The following FGF12 variants were observed in gnomAD, a reference collection of about 807,000 sequenced individuals.
The protein encoded by FGF12 is fibroblast growth factor 12.
FGF12 carries 14 observed loss-of-function variants against 23.6 expected under a neutral mutation model. The observed-to-expected ratio is 0.59, with a 90% CI of 0.39 to 0.93. The LOEUF is 0.93. FGF12 is among the 40% of genes least tolerant of loss of function. FGF12 has a pLI of 0.00. For missense variants in FGF12, 175 were observed against 217.8 expected (o/e 0.80, Z 1.24); for synonymous variants, 62 against 77.3 (o/e 0.80, Z 1.04).
intron 2 of FGF12, among the ~76,000 whole-genome samples, chr3:192,462,066 T>G (rs2108808120): frequency 6.6e-6 from 1 of 152,260 alleles, no homozygotes; most frequent in East Asian, 1.9e-4. Flanking sequence ...AATATATGGC[T>G]TGTTTCATTT....
At chr3:192,646,747 T>C (rs1577096986) in intron 2 of FGF12, among the ~76,000 whole-genome samples, 1 of 152,190 alleles carries the variant, frequency 6.6e-6, no homozygotes, top group South Asian at 2.1e-4. Context: ...TGGGTACAGG[T>C]TCTCTTTTGC....
At chr3:192,172,461 T>G (rs1487144264) in intron 4 of FGF12, among the ~76,000 whole-genome samples, 1 of 150,538 alleles carries the variant, frequency 6.6e-6, no homozygotes, top group African/African-American at 2.4e-5. Flanking sequence ...TTGTAGATAG[T>G]AAGATAATAT....
intron 2 of FGF12, among the ~76,000 whole-genome samples, chr3:192,446,867 A>C (rs1722369486): frequency 6.6e-6 from 1 of 152,166 alleles, no homozygotes; most frequent in African/African-American, 2.4e-5. Context: ...ACAATTCCTC[A>C]GTCTTCCTGA....
At chr3:192,670,565 G>C (rs944916378) in intron 2 of FGF12, among the ~76,000 whole-genome samples, 2 of 152,128 alleles carry the variant, frequency 1.3e-5, no homozygotes, top group African/African-American at 4.8e-5. Flanking sequence ...GCCAGGATAT[G>C]ATGTACATGT....
chr3:192,471,039 TTAAAG>T (rs1377430485), intron 2 of FGF12, among the ~76,000 whole-genome samples: 1 of 152,218 alleles, frequency 6.6e-6, no homozygotes, highest in East Asian at 1.9e-4. Flanking sequence ...GTTGTTTCAT[TTAAAG>T]TATTTTACTT....
chr3:192,146,907 TTTCTCA>T (rs1222511940), intron 5 of FGF12, among the ~76,000 whole-genome samples: 1 of 152,212 alleles, frequency 6.6e-6, no homozygotes, highest in Non-Finnish European at 1.5e-5. Context: ...ATTTGCTCTT[TTTCTCA>T]TACAACTCAT....
chr3:192,332,793 G>A (rs532528793), intron 4 of FGF12, among the ~76,000 whole-genome samples: 12 of 152,198 alleles, frequency 7.9e-5, no homozygotes, highest in African/African-American at 2.6e-4. Flanking sequence ...ATAAACTGCA[G>A]TTATGACCCT....
At chr3:192,564,036 T>TG (rs1553830899) in intron 2 of FGF12, among the ~76,000 whole-genome samples, 9,981 of 144,172 alleles carry the variant, frequency 0.069, 823 homozygotes, top group African/African-American at 0.21. Flanking sequence ...TGTAGTTTTT[T>TG]GTTTTTTTTT....
intron 2 of FGF12, among the ~76,000 whole-genome samples, chr3:192,456,188 T>G (rs1288289624): frequency 1.3e-5 from 2 of 152,236 alleles, no homozygotes; most frequent in Admixed American, 1.3e-4. Context: ...ATTTGAAATG[T>G]AATTATGCTC....
intron 2 of FGF12, among the ~76,000 whole-genome samples, chr3:192,660,508 A>G (rs13081179): frequency 2.1e-5 from 3 of 145,654 alleles, no homozygotes; most frequent in African/African-American, 5.0e-5. Context: ...CTTAAAGTAT[A>G]AAAAAAAAAA....
chr3:192,561,416 G>A (rs143302888), intron 2 of FGF12, among the ~76,000 whole-genome samples: 1 of 151,908 alleles, frequency 6.6e-6, no homozygotes, highest in Non-Finnish European at 1.5e-5. Context: ...AGGCTGGAGT[G>A]CAGTGGTGCA....
At chr3:192,524,810 T>C (rs1011680097) in intron 2 of FGF12, among the ~76,000 whole-genome samples, 6 of 152,144 alleles carry the variant, frequency 3.9e-5, no homozygotes, top group Admixed American at 6.5e-5. Flanking sequence ...AGAGGCTATA[T>C]GTACTACCTT....
chr3:192,679,769 G>A (rs1014096071), intron 2 of FGF12, among the ~76,000 whole-genome samples: 50 of 152,216 alleles, frequency 3.3e-4, no homozygotes, highest in African/African-American at 1.1e-3. Context: ...TCTAAATCAC[G>A]ATGGCTGCTT....
At chr3:192,158,396 TCTTTC>T (rs1165859591) in intron 5 of FGF12, among the ~76,000 whole-genome samples, 1 of 40,030 alleles carries the variant, frequency 2.5e-5, no homozygotes, top group Non-Finnish European at 3.9e-5. Context: ...TCTTTCTCTC[TCTTTC>T]TTTTTCTTTC....
At chr3:192,686,501 G>A (rs1237964584) in intron 2 of FGF12, among the ~76,000 whole-genome samples, 1 of 152,112 alleles carries the variant, frequency 6.6e-6, no homozygotes, top group Non-Finnish European at 1.5e-5. Context: ...CGGTTGTTCT[G>A]AATGTAGTGC....
chr3:192,416,960 G>T (rs1284788278), intron 2 of FGF12, among the ~76,000 whole-genome samples: 1 of 152,056 alleles, frequency 6.6e-6, no homozygotes, highest in Non-Finnish European at 1.5e-5. Context: ...ATTTGCAGCA[G>T]GAAGAAACAA....
chr3:192,507,334 TACACACACACAC>T (rs35433581), intron 2 of FGF12, among the ~76,000 whole-genome samples: 24,129 of 144,594 alleles, frequency 0.17, 2,079 homozygotes, highest in East Asian at 0.23. Flanking sequence ...TTTGACCAAA[TACACACACACAC>T]ACACACACAC....
At chr3:192,184,856 T>A (rs1716367933) in intron 4 of FGF12, among the ~76,000 whole-genome samples, 1 of 152,230 alleles carries the variant, frequency 6.6e-6, no homozygotes. Flanking sequence ...ATAAAAAGAA[T>A]TCAGATATAT....
At chr3:192,451,820 C>T (rs1397653855) in intron 2 of FGF12, among the ~76,000 whole-genome samples, 1 of 152,046 alleles carries the variant, frequency 6.6e-6, no homozygotes, top group Non-Finnish European at 1.5e-5. Flanking sequence ...TTATGCATTC[C>T]GCTACTGACG....
Sources: allele counts gnomAD v4.1 joint callset (sites outside exome capture counted in the v4.1 genomes callset), GRCh38; gene constraint gnomAD v4.1.1; transcripts MANE v1.5; gene names NCBI Gene and HGNC (gene_info 2026-07-23, HGNC 2026-07-21).